RGL1: variants seen among roughly 807,000 people sequenced by gnomAD.
RGL1 encodes the protein ral guanine nucleotide dissociation stimulator like 1.
A neutral mutation model predicts 95.2 loss-of-function variants in RGL1; 24 were observed. The observed-to-expected ratio is 0.25, with a 90% CI of 0.18 to 0.35. The LOEUF (loss-of-function observed/expected upper bound fraction) is 0.35. Ranked by LOEUF, RGL1 falls within the 10% of genes least tolerant of loss-of-function variation. RGL1 has a pLI of 1.00. For missense variants in RGL1, 715 were observed against 936.3 expected (o/e 0.76, Z 3.08); for synonymous variants, 329 against 344.9 (o/e 0.95, Z 0.51).
chr1:183,895,193 A>G (rs1667620535), intron 9 of RGL1, among the ~76,000 whole-genome samples: 1 of 152,214 alleles, frequency 6.6e-6, no homozygotes, highest in African/African-American at 2.4e-5. Flanking sequence ...GTTCTGAGCT[A>G]TAATTGCTGG....
At chr1:183,661,825 A>G (rs373876895) in intron 1 of RGL1, among the ~76,000 whole-genome samples, 6,482 of 145,484 alleles carry the variant, frequency 0.045, 173 homozygotes, top group African/African-American at 0.11. Flanking sequence ...AATACTGGCA[A>G]ACCGAATCCA....
intron 2 of RGL1, among the ~76,000 whole-genome samples, chr1:183,820,414 TCTGTTTTTTACCCCCACG>T: frequency 6.6e-6 from 1 of 152,322 alleles, no homozygotes; most frequent in Non-Finnish European, 1.5e-5. Context: ...GAGCCTCATT[TCTGTTTTTTACCCCCACG>T]AAATCTCCCA....
intron 8 of RGL1, among the ~76,000 whole-genome samples, chr1:183,889,760 T>C (rs1280178636): frequency 2.0e-5 from 3 of 152,196 alleles, no homozygotes; most frequent in Non-Finnish European, 4.4e-5. Context: ...TAATGCCTCA[T>C]GTTACAGAGC....
At chr1:183,754,401 A>C (rs1324793768) in intron 2 of RGL1, 1 of 152,218 alleles carries the variant, frequency 6.6e-6, no homozygotes, top group Non-Finnish European at 1.5e-5. Context: ...TGTAACAAAT[A>C]CAGTATAAAA....
intron 2 of RGL1, among the ~76,000 whole-genome samples, chr1:183,750,746 G>C (rs141384714): frequency 6.6e-6 from 1 of 152,172 alleles, no homozygotes; most frequent in Non-Finnish European, 1.5e-5. Flanking sequence ...GGGTTTTTGC[G>C]TGGGCATCCT....
intron 1 of RGL1, among the ~76,000 whole-genome samples, chr1:183,739,896 G>A (rs1226466306): frequency 1.3e-5 from 2 of 152,214 alleles, no homozygotes; most frequent in African/African-American, 2.4e-5. Flanking sequence ...GCAGCTGTGG[G>A]CAGACAGTAG....
intron 11 of RGL1, among the ~76,000 whole-genome samples, chr1:183,900,611 T>G (rs1320135460): frequency 6.6e-6 from 1 of 151,988 alleles, no homozygotes; most frequent in African/African-American, 2.4e-5. Flanking sequence ...TTCAAGCAAT[T>G]CTCCTGCCTC....
intron 11 of RGL1, among the ~76,000 whole-genome samples, chr1:183,900,975 G>T (rs1407236581): frequency 6.6e-6 from 1 of 151,256 alleles, no homozygotes; most frequent in African/African-American, 2.4e-5. Flanking sequence ...GACCAGCCTG[G>T]CCAACATGGT....
intron 1 of RGL1, among the ~76,000 whole-genome samples, 194 bp from the exon 2 acceptor site, chr1:183,806,181 G>A (rs1454931449): frequency 6.6e-6 from 1 of 151,532 alleles, no homozygotes. Flanking sequence ...CCACAGGAAG[G>A]GACTGCAAGC....
intron 1 of RGL1, among the ~76,000 whole-genome samples, chr1:183,670,628 G>A (rs2102051782): frequency 6.6e-6 from 1 of 152,286 alleles, no homozygotes; most frequent in South Asian, 2.1e-4. Context: ...GATAAGTTGT[G>A]ATTCTCAGTA....
intron 2 of RGL1, chr1:183,742,375 A>C: frequency 1.3e-6 from 2 of 1,520,734 alleles, no homozygotes; most frequent in Non-Finnish European, 1.8e-6. Flanking sequence ...CCAGCACCAC[A>C]GGCCAGCTTG....
At chr1:183,881,089 C>A (rs150667426) in intron 5 of RGL1, among the ~76,000 whole-genome samples, 191 of 152,272 alleles carry the variant, frequency 1.3e-3, no homozygotes, top group African/African-American at 4.5e-3. Flanking sequence ...AAGTAATTTC[C>A]TGGGGTTTCT....
At chr1:183,743,223 AG>A (rs1340262940) in intron 2 of RGL1, among the ~76,000 whole-genome samples, 2 of 152,126 alleles carry the variant, frequency 1.3e-5, no homozygotes, top group African/African-American at 2.4e-5. Context: ...TATGTTGCCC[AG>A]GCTGGTCTTG....
intron 8 of RGL1, among the ~76,000 whole-genome samples, chr1:183,890,247 A>C (rs1350093659): frequency 6.6e-6 from 1 of 152,178 alleles, no homozygotes; most frequent in East Asian, 1.9e-4. Context: ...TGAAAAAAGA[A>C]CACTAAGGAA....
chr1:183,822,918 C>T (rs2102462769), intron 2 of RGL1, among the ~76,000 whole-genome samples: 1 of 152,286 alleles, frequency 6.6e-6, no homozygotes, highest in South Asian at 2.1e-4. Context: ...TTTTCTCTTG[C>T]TGTTGCCAGG....
At chr1:183,914,502 C>G (rs1430450896) in intron 15 of RGL1, among the ~76,000 whole-genome samples, 1 of 152,130 alleles carries the variant, frequency 6.6e-6, no homozygotes, top group Admixed American at 6.5e-5. Flanking sequence ...CTGGACTGAG[C>G]TGACCTCCAC....
intron 1 of RGL1, among the ~76,000 whole-genome samples, chr1:183,663,596 C>G (rs1482002615): frequency 6.6e-6 from 1 of 152,000 alleles, no homozygotes; most frequent in East Asian, 1.9e-4. Flanking sequence ...GAAATTGGAA[C>G]ACTTTTACAC....
chr1:183,908,119 C>T (rs1668444835), intron 14 of RGL1, among the ~76,000 whole-genome samples: 1 of 152,020 alleles, frequency 6.6e-6, no homozygotes, highest in African/African-American at 2.4e-5. Flanking sequence ...GAAAAACCAC[C>T]ATTATTTTTA....
chr1:183,813,861 T>C (rs1157548406), intron 2 of RGL1, among the ~76,000 whole-genome samples: 1 of 152,232 alleles, frequency 6.6e-6, no homozygotes, highest in Non-Finnish European at 1.5e-5. Context: ...AGTTTACTGC[T>C]ACCTCCTCTC....
Sources: gnomAD v4.1 joint callset for allele counts (sites outside exome capture counted in the v4.1 genomes callset) on GRCh38, gnomAD v4.1.1 for gene constraint, MANE v1.5 for transcripts, NCBI Gene and HGNC (gene_info 2026-07-23, HGNC 2026-07-21) for gene names.